The following MED12L variants were observed in gnomAD, a reference collection of about 807,000 sequenced individuals.
MED12L encodes the protein mediator complex subunit 12L.
In MED12L, 60 loss-of-function variants were observed where a neutral mutation model predicts 281.3. The observed-to-expected ratio is 0.21, with a 90% CI of 0.17 to 0.26. MED12L has a LOEUF of 0.26. Among genes scored for constraint, MED12L ranks in the 10% least tolerant of loss-of-function variants. The pLI, the probability that MED12L is intolerant of heterozygous loss-of-function variation, is 1.00. For missense variants in MED12L, 2,146 were observed against 2,680.9 expected (o/e 0.80, Z 4.41); for synonymous variants, 974 against 987.2 (o/e 0.99, Z 0.25).
intron 16 of MED12L, among the ~76,000 whole-genome samples, chr3:151,248,654 C>T (rs1736237998): frequency 6.6e-6 from 1 of 152,006 alleles, no homozygotes; most frequent in South Asian, 2.1e-4. Context: ...GAAATCATGC[C>T]TTATCAAATT....
intron 16 of MED12L, among the ~76,000 whole-genome samples, chr3:151,312,895 C>G (rs1577306482): frequency 1.3e-5 from 2 of 152,114 alleles, no homozygotes; most frequent in African/African-American, 4.8e-5. Flanking sequence ...TAGCATAGAC[C>G]TTTTATTCAA....
chr3:151,180,376 C>T (rs1351942632), intron 11 of MED12L, among the ~76,000 whole-genome samples: 1 of 152,212 alleles, frequency 6.6e-6, no homozygotes, highest in Non-Finnish European at 1.5e-5. Flanking sequence ...TATTCCTCCA[C>T]TCTAGAAATG....
At chr3:151,117,105 T>C (rs1365852690) in intron 3 of MED12L, among the ~76,000 whole-genome samples, 1 of 152,244 alleles carries the variant, frequency 6.6e-6, no homozygotes, top group African/African-American at 2.4e-5. Flanking sequence ...ATACGCATGT[T>C]TTACTTGGCA....
intron 16 of MED12L, chr3:151,294,324 A>G (rs1193443774): frequency 7.4e-6 from 12 of 1,614,106 alleles, no homozygotes; most frequent in Non-Finnish European, 9.3e-6. Flanking sequence ...GGATCCAGGC[A>G]AACATTACAC....
At chr3:151,102,748 T>C (rs1721544336) in intron 2 of MED12L, among the ~76,000 whole-genome samples, 1 of 152,170 alleles carries the variant, frequency 6.6e-6, no homozygotes. Flanking sequence ...GTTGGGGTTA[T>C]AGACGTGAAG....
chr3:151,347,315 A>G (rs1207695168), intron 16 of MED12L, among the ~76,000 whole-genome samples: 3 of 152,196 alleles, frequency 2.0e-5, no homozygotes, highest in South Asian at 2.1e-4. Flanking sequence ...TGTATTTAGT[A>G]TGTTCAACAA....
intron 16 of MED12L, among the ~76,000 whole-genome samples, chr3:151,304,978 C>T (rs1394820896): frequency 1.3e-5 from 2 of 152,114 alleles, no homozygotes; most frequent in East Asian, 3.9e-4. Context: ...GGCTGGTGGC[C>T]TCAGCTGCCC....
intron 16 of MED12L, among the ~76,000 whole-genome samples, chr3:151,319,503 G>GTGTC (rs1204160910): frequency 2.2e-5 from 3 of 138,212 alleles, no homozygotes; most frequent in Admixed American, 1.4e-4. Flanking sequence ...GTGTGTGTGT[G>GTGTC]TGTCGGCCAC....
chr3:151,171,221 C>T (rs1721386176), intron 11 of MED12L, among the ~76,000 whole-genome samples: 1 of 152,166 alleles, frequency 6.6e-6, no homozygotes, highest in African/African-American at 2.4e-5. Flanking sequence ...AGTGGGACCC[C>T]TGGTTTCCAC....
At chr3:151,287,474 G>A (rs113528551) in intron 16 of MED12L, among the ~76,000 whole-genome samples, 1 of 152,182 alleles carries the variant, frequency 6.6e-6, no homozygotes, top group Non-Finnish European at 1.5e-5. Context: ...CAGATTTTCA[G>A]TTCAGGGGCC....
intron 5 of MED12L, among the ~76,000 whole-genome samples, chr3:151,141,178 G>GTTTTTTTTT: frequency 2.0e-5 from 2 of 102,232 alleles, no homozygotes; most frequent in Admixed American, 9.9e-5. Flanking sequence ...TTTTTTTTTT[G>GTTTTTTTTT]TTTTTTTTGT....
At chr3:151,301,167 T>C (rs1264127533) in intron 16 of MED12L, among the ~76,000 whole-genome samples, 1 of 152,184 alleles carries the variant, frequency 6.6e-6, no homozygotes, top group Non-Finnish European at 1.5e-5. Context: ...CATCACATTA[T>C]TTTTTAATGT....
chr3:151,127,484 T>C (rs942386125), intron 4 of MED12L, among the ~76,000 whole-genome samples: 2 of 152,240 alleles, frequency 1.3e-5, no homozygotes, highest in African/African-American at 4.8e-5. Flanking sequence ...AGGACTGTCA[T>C]GAAATTATTT....
At chr3:151,245,317 C>A (rs1173407640) in intron 16 of MED12L, among the ~76,000 whole-genome samples, 19 of 150,122 alleles carry the variant, frequency 1.3e-4, no homozygotes, top group Admixed American at 3.3e-4. Flanking sequence ...ACACAACCAA[C>A]AAAGAGAATT....
rs1307921406 is a variant in MED12L at position 151,389,993 on chromosome 3, C to T, written c.5466C>T (p.Ser1822=). 1 of 1,614,050 alleles carries T rather than the reference C, an allele frequency of 6.2e-7. No individual in the cohort carries two copies. Among genetic ancestry groups the T allele is most frequent in the Non-Finnish European group, 8.5e-7 (1 of 1,179,928 alleles). Residue 1822 remains serine, a synonymous_variant, in exon 38 of 45, where the codon AGC becomes AGT. Coordinates refer to ENST00000687756, the MANE Select transcript of MED12L (RefSeq NM_001393769.1). ...SSSRVDEYPQ[S]NIYRVPPNYS... ...TTATGTTGAAGGAATATCCACAGAG[C>T]AACATATACCGAGTGCCTCCTAATT...
At chr3:151,299,989 C>G in intron 16 of MED12L, 1 of 990,882 alleles carries the variant, frequency 1.0e-6, no homozygotes, top group Non-Finnish European at 1.6e-6. Flanking sequence ...GACCATTAAA[C>G]TCCCCAAATT....
intron 36 of MED12L, among the ~76,000 whole-genome samples, chr3:151,387,605 G>T (rs1369916695): frequency 6.6e-6 from 1 of 152,144 alleles, no homozygotes; most frequent in Non-Finnish European, 1.5e-5. Flanking sequence ...TGTGGTTAAA[G>T]AACTGTAGAA....
intron 12 of MED12L, chr3:151,188,040 G>A (rs1438014486): frequency 5.9e-6 from 1 of 169,046 alleles, no homozygotes; most frequent in Non-Finnish European, 1.3e-5. Context: ...GGGTGTTTTT[G>A]AAATCCTTTG....
rs541358524 is a variant in MED12L at position 151,184,940 on chromosome 3, G to A, written c.1495-390G>A. ...GGCATTGAGTGAGTGGGGGGCCTGA[G>A]GGTGCCAACAGTAGAGTGATGTACT... On this transcript the variant is annotated intron_variant, in intron 11 of 44. Transcript: ENST00000687756. Among the ~76,000 whole-genome samples, 7 of 152,262 alleles carry A rather than the reference G, an allele frequency of 4.6e-5. No individual in the cohort carries two copies. In the South Asian group the frequency reaches 1.0e-3, roughly 23 times the overall value.
Sources: gnomAD v4.1 joint callset for allele counts (sites outside exome capture counted in the v4.1 genomes callset) on GRCh38, gnomAD v4.1.1 for gene constraint, MANE v1.5 for transcripts, NCBI Gene and HGNC (gene_info 2026-07-23, HGNC 2026-07-21) for gene names.